The following UGP2 variants were observed in gnomAD, a reference collection of about 807,000 sequenced individuals.
The protein encoded by UGP2 is UTP--glucose-1-phosphate uridylyltransferase.
In UGP2, 40 loss-of-function variants were observed where a neutral mutation model predicts 49.0. That is an observed-to-expected ratio of 0.82 (90% confidence interval 0.63 to 1.06). The LOEUF is 1.06. Ranked by LOEUF, UGP2 falls within the 50% of genes least tolerant of loss-of-function variation. UGP2 has a pLI of 0.00. For synonymous variants in UGP2, 225 were observed against 213.0 expected (o/e 1.06, Z -0.49); for missense variants, 460 against 603.5 (o/e 0.76, Z 2.49).
At chr2:63,873,692 T>C (rs1437515643) in intron 3 of UGP2, among the ~76,000 whole-genome samples, 3 of 152,070 alleles carry the variant, frequency 2.0e-5, no homozygotes, top group African/African-American at 7.2e-5. Flanking sequence ...CAATGCTCCA[T>C]GTTCCTGGAG....
intron 3 of UGP2, among the ~76,000 whole-genome samples, chr2:63,859,667 T>C (rs185145430): frequency 3.8e-4 from 58 of 152,324 alleles, no homozygotes; most frequent in African/African-American, 1.3e-3. Flanking sequence ...AGAATTGATA[T>C]AGGACAAAAG....
rs373218713 is a variant in UGP2, at chr2:63,890,123, C to A, written c.1357C>A (p.Leu453Ile). Reference sequence around the variant, plus strand: ...AAGATTTGAAAGTATACCAGATATGCTTGAATTGGATCACCTCACAGTTTC... The same window carrying A: ...AAGATTTGAAAGTATACCAGATATGATTGAATTGGATCACCTCACAGTTTC... ...LRRFESIPDM[L>I]ELDHLTVSGD... is the part of the protein sequence containing the mutation. Residue 453 changes from leucine (L) to isoleucine (I), a missense_variant, in exon 9 of 10, where the codon CTT (leucine) becomes ATT (isoleucine). Leu to Ile is a conservative substitution (Grantham distance 5, BLOSUM62 2). Around this residue, in one of 2 missense-constraint regions of UGP2, gnomAD observed 317 missense variants for 473.0 expected, o/e 0.67. Transcript: ENST00000337130. The A allele has an allele frequency of 6.2e-6, 10 of 1,612,254 alleles. No individual in the cohort carries two copies. Among genetic ancestry groups the A allele is most frequent in the Non-Finnish European group, 8.5e-6 (10 of 1,179,470 alleles).
intron 3 of UGP2, among the ~76,000 whole-genome samples, chr2:63,863,870 T>A (rs186383834): frequency 6.6e-6 from 1 of 152,294 alleles, no homozygotes; most frequent in African/African-American, 2.4e-5. Flanking sequence ...AGACTAAATA[T>A]GGAAAGAAGT....
rs532921301 is a variant in UGP2 at position 63,877,200 on chromosome 2, A to G, written c.256-5266A>G. Among the ~76,000 whole-genome samples, 3 of 152,382 alleles carry G rather than the reference A, an allele frequency of 2.0e-5. No individual in the cohort carries two copies. In the South Asian group the frequency reaches 6.2e-4, roughly 32 times the overall value. ...ACCATAATGCACATCTATAACAGTA[A>G]ATGGACTTACTTTGGTCAACGGAGG... On this transcript the variant is annotated intron_variant, in intron 3 of 9. Transcript: ENST00000337130.
In UGP2 at chr2:63,871,842, G is replaced by A. The variant is rs1022449081; in HGVS notation, c.256-10624G>A. The stretch of plus-strand genomic sequence containing the variant: ...GTATGGAGCTATTTTAGGAGAAGAA[G>A]CATGGTTTGAAAAGGGAGAAATATT... On this transcript the variant is annotated intron_variant, in intron 3 of 9. Transcript: ENST00000337130. 7.9e-5 allele frequency among the ~76,000 whole-genome samples: 12 copies of A among 152,344 alleles called. No homozygotes were observed. The East Asian group carries it at 9.6e-4, about 12-fold the overall frequency.
intron 1 of UGP2, chr2:63,842,735 TGGAGAAA>T: frequency 1.3e-6 from 1 of 790,756 alleles, no homozygotes; most frequent in Non-Finnish European, 1.8e-6. Flanking sequence ...TCATTTCAGC[TGGAGAAA>T]TGACTTTGCT....
intron 3 of UGP2, among the ~76,000 whole-genome samples, chr2:63,874,351 C>T (rs1217195510): frequency 6.6e-6 from 1 of 152,154 alleles, no homozygotes; most frequent in Non-Finnish European, 1.5e-5. Context: ...GAGACCACTG[C>T]AATAACACAG....
At chr2:63,841,815 G>C, upstream of UGP2, 1 of 193,392 alleles carries the variant, frequency 5.2e-6, no homozygotes, top group Non-Finnish European at 1.1e-5. Flanking sequence ...AGGGCGTGGG[G>C]ACTTGGGGGC....
At chr2:63,887,718 T>C (rs1250435012) in intron 8 of UGP2, 74 bp downstream of exon 8, 4 of 1,561,810 alleles carry the variant, frequency 2.6e-6, no homozygotes, top group Non-Finnish European at 3.5e-6. Flanking sequence ...TACATGTGAA[T>C]TGGAGACTAA....
At chr2:63,874,471 G>A (rs1355103004) in intron 3 of UGP2, among the ~76,000 whole-genome samples, 2 of 152,162 alleles carry the variant, frequency 1.3e-5, no homozygotes, top group South Asian at 2.1e-4. Context: ...AGCTGACTGC[G>A]TAGAAGAGGA....
intron 1 of UGP2, among the ~76,000 whole-genome samples, chr2:63,847,567 T>C (rs536912938): frequency 1.3e-5 from 2 of 151,898 alleles, no homozygotes; most frequent in Non-Finnish European, 1.5e-5. Context: ...AGAGAGTCAG[T>C]GAAGGGAGAT....
intron 2 of UGP2, chr2:63,857,574 AG>A (rs1363972601): frequency 1.9e-6 from 1 of 518,926 alleles, no homozygotes; most frequent in Admixed American, 2.3e-5. Flanking sequence ...CATATTGCCG[AG>A]GCTGGTCTCA....
chr2:63,870,801 C>A (rs375188833), intron 3 of UGP2, among the ~76,000 whole-genome samples: 1 of 152,098 alleles, frequency 6.6e-6, no homozygotes, highest in Non-Finnish European at 1.5e-5. Flanking sequence ...ATGGAGTTTA[C>A]AGTCTTATAA....
intron 2 of UGP2, chr2:63,857,604 A>G: frequency 3.5e-6 from 2 of 569,394 alleles, no homozygotes; most frequent in South Asian, 3.0e-5. Flanking sequence ...AGCTCAAACG[A>G]TCAGCTGGCC....
intron 3 of UGP2, among the ~76,000 whole-genome samples, chr2:63,880,189 C>T (rs1325865880): frequency 1.4e-5 from 2 of 147,040 alleles, no homozygotes; most frequent in African/African-American, 5.0e-5. Flanking sequence ...CCCCCCTCCT[C>T]CCTCTCCTCT....
intron 1 of UGP2, among the ~76,000 whole-genome samples, chr2:63,855,198 A>G (rs1669307223): frequency 6.6e-6 from 1 of 152,214 alleles, no homozygotes; most frequent in Non-Finnish European, 1.5e-5. Flanking sequence ...CTTTTATTCA[A>G]ATATAAGTGA....
chr2:63,883,435 C>A (rs1189439516), intron 4 of UGP2: 1 of 152,398 alleles, frequency 6.6e-6, no homozygotes, highest in African/African-American at 2.4e-5. Context: ...TCTGCTGCCT[C>A]GTAGCTCTTC....
At chr2:63,876,151 C>G (rs1433734067) in intron 3 of UGP2, among the ~76,000 whole-genome samples, 9 of 152,090 alleles carry the variant, frequency 5.9e-5, no homozygotes, top group Non-Finnish European at 1.3e-4. Flanking sequence ...GCTTGTTGAA[C>G]TAAACCAAGC....
At chr2:63,842,359 C>G in intron 1 of UGP2, 155 bp downstream of exon 1, 3 of 1,602,432 alleles carry the variant, frequency 1.9e-6, no homozygotes, top group Non-Finnish European at 2.5e-6. Context: ...CTGCCTTGAG[C>G]TGCTGGGTTG....
Sources: allele counts gnomAD v4.1 joint callset (sites outside exome capture counted in the v4.1 genomes callset), GRCh38; gene constraint gnomAD v4.1.1; regional missense constraint gnomAD v4.1.1; transcripts MANE v1.5; gene names NCBI Gene and HGNC (gene_info 2026-07-23, HGNC 2026-07-21).